SNTG2: variants seen among roughly 807,000 people sequenced by gnomAD.
The protein encoded by SNTG2 is gamma-2-syntrophin.
In SNTG2, 74 loss-of-function variants were observed where a neutral mutation model predicts 70.9. The ratio of observed to expected loss-of-function variants is 1.04; its 90% CI spans 0.86 to 1.27. The LOEUF (loss-of-function observed/expected upper bound fraction) is 1.27, where lower values mean the gene tolerates loss of function less well. Ranked by LOEUF, SNTG2 falls within the 50% of genes most tolerant of loss-of-function variation. The probability of loss-of-function intolerance (pLI) is 0.00; values close to 1 mark genes in which losing one functional copy is unlikely to be tolerated. For synonymous variants in SNTG2, 278 were observed against 273.8 expected (o/e 1.02, Z -0.15); for missense variants, 717 against 690.7 (o/e 1.04, Z -0.43).
At chr2:1,138,891 G>C (rs542383357) in intron 6 of SNTG2, among the ~76,000 whole-genome samples, 2 of 152,312 alleles carry the variant, frequency 1.3e-5, no homozygotes, top group East Asian at 3.9e-4. Flanking sequence ...GTAAATTTCC[G>C]TGAAACCAAG....
chr2:1,159,298 CTG>C (rs1670123110), intron 6 of SNTG2: 1 of 151,886 alleles, frequency 6.6e-6, no homozygotes, highest in African/African-American at 2.4e-5. Context: ...ATATGTGTGA[CTG>C]TGTTTGTTCT....
chr2:1,150,742 C>A (rs1572572677), intron 6 of SNTG2, among the ~76,000 whole-genome samples: 1 of 152,164 alleles, frequency 6.6e-6, no homozygotes, highest in Non-Finnish European at 1.5e-5. Context: ...TTTAGAGGGT[C>A]AGTATCTATG....
At chr2:1,164,259 A>G (rs1252500025) in intron 6 of SNTG2, among the ~76,000 whole-genome samples, 1 of 148,680 alleles carries the variant, frequency 6.7e-6, no homozygotes, top group Non-Finnish European at 1.5e-5. Context: ...GAAGTGAGGT[A>G]GGAACCTGCC....
intron 1 of SNTG2, among the ~76,000 whole-genome samples, chr2:1,053,626 C>CA (rs1662204485): frequency 6.6e-6 from 1 of 152,052 alleles, no homozygotes; most frequent in Non-Finnish European, 1.5e-5. Context: ...GTATCCAGGT[C>CA]GTGTTCATTT....
chr2:989,152 T>C (rs1661418349), intron 1 of SNTG2, among the ~76,000 whole-genome samples: 1 of 152,250 alleles, frequency 6.6e-6, no homozygotes, highest in Non-Finnish European at 1.5e-5. Context: ...ATTTTCTATG[T>C]AGGCAATCAT....
chr2:956,657 G>T (rs1433278560), intron 1 of SNTG2, among the ~76,000 whole-genome samples: 1 of 152,264 alleles, frequency 6.6e-6, no homozygotes, highest in Non-Finnish European at 1.5e-5. Context: ...TGGGTCCCCT[G>T]CTGCTGTGAG....
At chr2:1,167,545 A>T (rs1670809423) in intron 7 of SNTG2, among the ~76,000 whole-genome samples, 1 of 139,698 alleles carries the variant, frequency 7.2e-6, no homozygotes, top group Admixed American at 6.9e-5. Flanking sequence ...CAGACGGCAG[A>T]ACTGAAACCT....
chr2:1,246,311 G>A (rs1403519295), intron 11 of SNTG2, among the ~76,000 whole-genome samples: 5 of 152,142 alleles, frequency 3.3e-5, no homozygotes, highest in African/African-American at 2.4e-5. Context: ...CTAGCATCTC[G>A]ACTTCCCAGG....
At chr2:1,025,901 G>C (rs1660457590) in intron 1 of SNTG2, among the ~76,000 whole-genome samples, 1 of 152,192 alleles carries the variant, frequency 6.6e-6, no homozygotes, top group Non-Finnish European at 1.5e-5. Context: ...GAGACCCTGA[G>C]ACTGGTCAAC....
chr2:1,087,835 G>T (rs1225034960), intron 2 of SNTG2, among the ~76,000 whole-genome samples: 1 of 152,186 alleles, frequency 6.6e-6, no homozygotes, highest in Non-Finnish European at 1.5e-5. Flanking sequence ...TCTGTGATTT[G>T]AATTTGAATT....
chr2:999,414 T>G (rs1661794398), intron 1 of SNTG2, among the ~76,000 whole-genome samples: 1 of 152,040 alleles, frequency 6.6e-6, no homozygotes, highest in Non-Finnish European at 1.5e-5. Flanking sequence ...ACCTGAGTGG[T>G]AAGACATTAG....
chr2:1,054,447 C>T (rs926250326), intron 1 of SNTG2, among the ~76,000 whole-genome samples: 3 of 152,160 alleles, frequency 2.0e-5, no homozygotes, highest in Non-Finnish European at 4.4e-5. Flanking sequence ...CAGTATGGCT[C>T]TCTATTTGAC....
intron 9 of SNTG2, among the ~76,000 whole-genome samples, chr2:1,237,520 G>T (rs2148104043): frequency 6.6e-6 from 1 of 152,256 alleles, no homozygotes; most frequent in East Asian, 1.9e-4. Context: ...AGTGCAGAGG[G>T]TGCTGGGCTG....
At chr2:1,233,983 C>T (rs1419898403) in intron 9 of SNTG2, among the ~76,000 whole-genome samples, 1 of 152,078 alleles carries the variant, frequency 6.6e-6, no homozygotes, top group Non-Finnish European at 1.5e-5. Flanking sequence ...CATGTGTGTC[C>T]ATCAAAGAGC....
chr2:1,020,246 A>G (rs1185132403), intron 1 of SNTG2, among the ~76,000 whole-genome samples: 2 of 152,236 alleles, frequency 1.3e-5, no homozygotes, highest in Non-Finnish European at 1.5e-5. Context: ...GGAGGACTCC[A>G]GGGCAATGCC....
chr2:1,082,988 C>T (rs1361152296), intron 1 of SNTG2, among the ~76,000 whole-genome samples: 1 of 152,284 alleles, frequency 6.6e-6, no homozygotes, highest in East Asian at 1.9e-4. Context: ...CCCCAGCTCC[C>T]AAGACACAGC....
intron 1 of SNTG2, among the ~76,000 whole-genome samples, chr2:996,303 A>T (rs1359885756): frequency 6.6e-6 from 1 of 152,214 alleles, no homozygotes; most frequent in East Asian, 1.9e-4. Flanking sequence ...GACTGCCAGA[A>T]ATCAGCTCAG....
intron 13 of SNTG2, among the ~76,000 whole-genome samples, chr2:1,264,845 G>A (rs1678635998): frequency 1.3e-5 from 2 of 152,188 alleles, no homozygotes; most frequent in African/African-American, 4.8e-5. Flanking sequence ...ACAGGTGTAA[G>A]CCACTGTGCC....
chr2:1,203,673 A>ATATATATATAT (rs1553355185), intron 8 of SNTG2, among the ~76,000 whole-genome samples: 26 of 115,538 alleles, frequency 2.3e-4, no homozygotes, highest in African/African-American at 8.0e-4. Flanking sequence ...CAAAAAAAAA[A>ATATATATATAT]ATATATATAT....
Sources: gnomAD v4.1 joint callset for allele counts (sites outside exome capture counted in the v4.1 genomes callset) on GRCh38, gnomAD v4.1.1 for gene constraint, MANE v1.5 for transcripts, NCBI Gene and HGNC (gene_info 2026-07-23, HGNC 2026-07-21) for gene names.